The following CXCL13 variants were observed in gnomAD, a reference collection of about 807,000 sequenced individuals.
CXCL13 encodes the protein C-X-C motif chemokine ligand 13.
Under a neutral mutation model 12.2 loss-of-function variants are expected in CXCL13, and 7 were observed. That is an observed-to-expected ratio of 0.57 (90% CI 0.33 to 1.07). The LOEUF (loss-of-function observed/expected upper bound fraction) is 1.07. CXCL13 is among the 50% of genes least tolerant of loss of function. The pLI, the probability that CXCL13 is intolerant of heterozygous loss-of-function variation, is 0.04. For synonymous variants in CXCL13, 47 were observed against 42.4 expected, an observed-to-expected ratio of 1.11 and a Z score of -0.42; for missense variants, 113 against 127.4, an observed-to-expected ratio of 0.89 and a Z score of 0.55.
intron 1 of CXCL13, among the ~76,000 whole-genome samples, chr4:77,521,337 A>C (rs937098415): frequency 1.3e-5 from 2 of 152,280 alleles, no homozygotes; most frequent in South Asian, 4.2e-4. Context: ...CTGTGAATCC[A>C]TCTGGTCCTG....
At chr4:77,522,916 T>C (rs1724647101) in intron 1 of CXCL13, among the ~76,000 whole-genome samples, 1 of 152,138 alleles carries the variant, frequency 6.6e-6, no homozygotes, top group Non-Finnish European at 1.5e-5. Context: ...GGTGACAAAA[T>C]CTCTCAGCAT....
At chr4:77,580,787 C>A (rs1211422945) in intron 1 of CXCL13, among the ~76,000 whole-genome samples, 2 of 127,452 alleles carry the variant, frequency 1.6e-5, no homozygotes, top group Non-Finnish European at 3.3e-5. Flanking sequence ...CTCCTGCCCT[C>A]CTCTCCCCTT....
At chr4:77,552,203 G>GC (rs749778420) in intron 1 of CXCL13, among the ~76,000 whole-genome samples, 2 of 152,178 alleles carry the variant, frequency 1.3e-5, no homozygotes, top group Non-Finnish European at 2.9e-5. Context: ...ACCTAGAGAT[G>GC]CTAGCACTTC....
intron 1 of CXCL13, among the ~76,000 whole-genome samples, chr4:77,535,757 C>T (rs972750894): frequency 6.6e-6 from 1 of 152,080 alleles, no homozygotes; most frequent in African/African-American, 2.4e-5. Flanking sequence ...TCTCAGCCAA[C>T]AAATAACTAG....
At chr4:77,588,400 TG>T (rs1726531345) in intron 1 of CXCL13, among the ~76,000 whole-genome samples, 1 of 152,176 alleles carries the variant, frequency 6.6e-6, no homozygotes, top group Non-Finnish European at 1.5e-5. Flanking sequence ...GGGATTCAGG[TG>T]TGACACCTGT....
In CXCL13 at chr4:77,538,032, C is replaced by A. The variant is rs184435991; in HGVS notation, c.-43+26244C>A. 3.3e-3 allele frequency among the ~76,000 whole-genome samples: 498 copies of A among 152,278 alleles called. 6 individuals are homozygous for A. The highest frequency in any genetic ancestry group is 7.9e-3 in the East Asian group (41 of 5,176). On this transcript the variant is annotated intron_variant, in intron 1 of 4. Transcript: ENST00000286758. Reference sequence around the variant, plus strand: ...GAGAGTAAGAATCTGAGAACACAGACAACAGAGAGGGAAGCAGAGATCAGT... The same window carrying A: ...GAGAGTAAGAATCTGAGAACACAGAAAACAGAGAGGGAAGCAGAGATCAGT...
At chr4:77,528,141 G>A (rs1279199330) in intron 1 of CXCL13, among the ~76,000 whole-genome samples, 1 of 152,114 alleles carries the variant, frequency 6.6e-6, no homozygotes, top group Non-Finnish European at 1.5e-5. Flanking sequence ...AGTATTCCAT[G>A]GTGTATATGT....
chr4:77,589,005 G>A lies in CXCL13; in HGVS notation c.-42-16819G>A, dbSNP rs566662583. On this transcript the variant is annotated intron_variant, in intron 1 of 4. Coordinates refer to the CXCL13 transcript ENST00000286758. ...TCACTCTGTCTAGATTTCTATTTTA[G>A]GCCGATGTGGTTGGAAAGGCTTATA... 7.9e-4 allele frequency among the ~76,000 whole-genome samples: 121 copies of A among 152,248 alleles called. 2 individuals carry two copies. The highest frequency in any genetic ancestry group is 2.8e-3 in the African/African-American group (118 of 41,520).
intron 1 of CXCL13, among the ~76,000 whole-genome samples, chr4:77,568,734 TG>T (rs1375705243): frequency 6.6e-6 from 1 of 152,164 alleles, no homozygotes; most frequent in Non-Finnish European, 1.5e-5. Flanking sequence ...TTTCGGCATT[TG>T]GTTCTGTTTA....
intron 1 of CXCL13, among the ~76,000 whole-genome samples, chr4:77,595,955 G>A (rs1165422059): frequency 5.9e-5 from 9 of 152,106 alleles, no homozygotes; most frequent in Admixed American, 2.0e-4. Context: ...CCTCAATTTG[G>A]CACTCAAACA....
intron 1 of CXCL13, among the ~76,000 whole-genome samples, chr4:77,519,357 G>C (rs375461161): frequency 6.6e-6 from 1 of 152,148 alleles, no homozygotes; most frequent in Non-Finnish European, 1.5e-5. Context: ...CGTCTTCTGC[G>C]TCACTCACGC....
chr4:77,590,511 A>C (rs1726578286), intron 1 of CXCL13, among the ~76,000 whole-genome samples: 1 of 152,256 alleles, frequency 6.6e-6, no homozygotes, highest in Non-Finnish European at 1.5e-5. Flanking sequence ...AGTGAAACAC[A>C]GTATCAAAAT....
At chr4:77,546,219 T>C (rs908930108) in intron 1 of CXCL13, among the ~76,000 whole-genome samples, 1 of 152,192 alleles carries the variant, frequency 6.6e-6, no homozygotes, top group Non-Finnish European at 1.5e-5. Context: ...CTTTTTTTGT[T>C]GTGTCTCTGC....
chr4:77,515,271 G>T (rs1455017710), intron 1 of CXCL13, among the ~76,000 whole-genome samples: 1 of 152,198 alleles, frequency 6.6e-6, no homozygotes, highest in Non-Finnish European at 1.5e-5. Flanking sequence ...TTTGGCTTAG[G>T]ATTGACATGG....
chr4:77,577,973 G>A (rs1726234317), intron 1 of CXCL13, among the ~76,000 whole-genome samples: 1 of 152,016 alleles, frequency 6.6e-6, no homozygotes, highest in Admixed American at 6.5e-5. Flanking sequence ...TCCATACTAT[G>A]CGACACTCCC....
At chr4:77,530,418 G>A (rs528457374) in intron 1 of CXCL13, among the ~76,000 whole-genome samples, 1 of 151,060 alleles carries the variant, frequency 6.6e-6, no homozygotes, top group Non-Finnish European at 1.5e-5. Context: ...GACTTTTTTT[G>A]GTTGGTAAGC....
At chr4:77,528,696 A>G (rs1724832936) in intron 1 of CXCL13, among the ~76,000 whole-genome samples, 3 of 152,176 alleles carry the variant, frequency 2.0e-5, no homozygotes, top group African/African-American at 7.2e-5. Context: ...TCAGATGAGT[A>G]GATTGCAAAA....
chr4:77,570,530 C>T (rs940086824), intron 1 of CXCL13, among the ~76,000 whole-genome samples: 4 of 152,224 alleles, frequency 2.6e-5, no homozygotes, highest in East Asian at 1.9e-4. Context: ...CACTTGCTCT[C>T]GGCGCCTCCT....
chr4:77,567,679 A>G (rs954820787), intron 1 of CXCL13, among the ~76,000 whole-genome samples: 49 of 152,266 alleles, frequency 3.2e-4, no homozygotes, highest in African/African-American at 1.2e-3. Context: ...GGTCATCCTC[A>G]CTGCTTATCT....
Sources: gnomAD v4.1 joint callset for allele counts (sites outside exome capture counted in the v4.1 genomes callset) on GRCh38, gnomAD v4.1.1 for gene constraint, MANE v1.5 for transcripts, NCBI Gene and HGNC (gene_info 2026-07-23, HGNC 2026-07-21) for gene names.